The following SLC33A1 variants were observed in gnomAD, a reference collection of about 807,000 sequenced individuals.
SLC33A1 encodes the protein solute carrier family 33 member 1.
SLC33A1 carries 20 observed loss-of-function variants against 50.0 expected under a neutral mutation model. That is an observed-to-expected ratio of 0.40 (90% CI 0.28 to 0.58). SLC33A1 has a LOEUF of 0.58. Among genes scored for constraint, SLC33A1 ranks in the 20% least tolerant of loss-of-function variants. The pLI is 0.44. For synonymous variants in SLC33A1, 265 were observed against 251.8 expected (o/e 1.05, Z -0.50); for missense variants, 476 against 657.0 (o/e 0.72, Z 3.01).
chr3:155,850,985 T>C (rs1367843406), intron 1 of SLC33A1, among the ~76,000 whole-genome samples: 2 of 151,668 alleles, frequency 1.3e-5, no homozygotes, highest in African/African-American at 4.8e-5. Context: ...GGCTTACGCC[T>C]GTAATCCCAA....
intron 2 of SLC33A1, among the ~76,000 whole-genome samples, chr3:155,838,606 G>C (rs538480941): frequency 1.3e-5 from 2 of 150,990 alleles, no homozygotes; most frequent in Non-Finnish European, 3.0e-5. Context: ...GCTTGAACCC[G>C]GGAGGAGGAG....
At chr3:155,838,407 G>C (rs1052224070) in intron 2 of SLC33A1, among the ~76,000 whole-genome samples, 2 of 151,884 alleles carry the variant, frequency 1.3e-5, no homozygotes, top group South Asian at 2.1e-4. Context: ...TGGGTCAGGC[G>C]TGGTGGCTCA....
chr3:155,838,865 T>C (rs1036638224), intron 2 of SLC33A1, among the ~76,000 whole-genome samples: 16 of 151,374 alleles, frequency 1.1e-4, no homozygotes, highest in Admixed American at 9.2e-4. Context: ...AAATAAAAAA[T>C]AGGCCGGGTG....
At chr3:155,828,455 T>A (rs1219346279) in intron 5 of SLC33A1, 78 bp from the exon 6 acceptor site, 3 of 808,864 alleles carry the variant, frequency 3.7e-6, no homozygotes, top group Non-Finnish European at 6.3e-6. Context: ...TTCTACTTTA[T>A]AAAGAATAAA....
intron 2 of SLC33A1, among the ~76,000 whole-genome samples, chr3:155,840,368 G>A (rs1420235811): frequency 2.6e-5 from 4 of 151,882 alleles, no homozygotes; most frequent in African/African-American, 4.8e-5. Context: ...GATTAAAGGC[G>A]TGAGCCACCA....
chr3:155,833,722 T>C, intron 3 of SLC33A1, 135 bp downstream of exon 3: 1 of 942,364 alleles, frequency 1.1e-6, no homozygotes, highest in Non-Finnish European at 1.7e-6. Flanking sequence ...TAAAAGTGCA[T>C]ATAAATAATA....
intron 1 of SLC33A1, among the ~76,000 whole-genome samples, chr3:155,852,200 A>G (rs1419381113): frequency 6.6e-6 from 1 of 152,190 alleles, no homozygotes; most frequent in Admixed American, 6.6e-5. Context: ...CACACTTATA[A>G]TTCCCAGTAC....
At chr3:155,846,388 G>A (rs147318002) in intron 1 of SLC33A1, among the ~76,000 whole-genome samples, 2 of 151,154 alleles carry the variant, frequency 1.3e-5, no homozygotes, top group South Asian at 2.1e-4. Flanking sequence ...GGACACCACT[G>A]AGAAAAAAGG....
intron 2 of SLC33A1, among the ~76,000 whole-genome samples, chr3:155,837,913 T>C (rs1752756114): frequency 6.6e-6 from 1 of 152,202 alleles, no homozygotes; most frequent in Admixed American, 6.5e-5. Flanking sequence ...AGTACCTCCT[T>C]ATATATTGCT....
intron 2 of SLC33A1, among the ~76,000 whole-genome samples, chr3:155,841,230 T>C (rs548361844): frequency 6.6e-6 from 1 of 152,142 alleles, no homozygotes; most frequent in East Asian, 1.9e-4. Flanking sequence ...CATACCCAGA[T>C]AGTTTTTTTA....
chr3:155,838,348 T>C (rs1031948536), intron 2 of SLC33A1, among the ~76,000 whole-genome samples: 2 of 149,228 alleles, frequency 1.3e-5, no homozygotes, highest in African/African-American at 4.9e-5. Flanking sequence ...CCAGCCTGTA[T>C]AGCAAAATGA....
At chr3:155,841,758 ATTATT>A (rs1367856358) in intron 2 of SLC33A1, among the ~76,000 whole-genome samples, 4 of 151,598 alleles carry the variant, frequency 2.6e-5, no homozygotes, top group African/African-American at 9.7e-5. Flanking sequence ...TTATTTATTT[ATTATT>A]TTGAGACAGA....
At chr3:155,841,918 T>G (rs911211807) in intron 2 of SLC33A1, among the ~76,000 whole-genome samples, 5 of 152,016 alleles carry the variant, frequency 3.3e-5, no homozygotes, top group Non-Finnish European at 7.4e-5. Context: ...CGGCTGATTC[T>G]TGTATTTTTA....
Position 155,826,708 on chromosome 3 carries a change from A to G in SLC33A1, c.*1502T>C, listed in dbSNP as rs1287528796. 6.6e-6 allele frequency: 1 copy of G among 152,148 alleles called. No individual in the cohort carries two copies. The highest frequency in any genetic ancestry group is 1.5e-5 in the Non-Finnish European group (1 of 68,032). The allele number at this position is 152,148 out of a possible 1,614,324, so 9.4% of individuals were successfully genotyped here. A position where few individuals can be genotyped will look rare whatever the true frequency, so the allele number is the denominator to read the frequency against. On this transcript the variant is annotated 3_prime_UTR_variant, in exon 6 of 6. Coordinates refer to ENST00000643144, the MANE Select transcript of SLC33A1 (RefSeq NM_004733.4). Reference sequence around the variant, plus strand: ...TGCCCAACACAGGCTTTCCAATGGCAATGCATGAGTTCTAGAGGTCACTGC... The same window carrying G: ...TGCCCAACACAGGCTTTCCAATGGCGATGCATGAGTTCTAGAGGTCACTGC...
At chr3:155,832,509 G>T (rs1752479339) in intron 4 of SLC33A1, among the ~76,000 whole-genome samples, 1 of 151,634 alleles carries the variant, frequency 6.6e-6, no homozygotes, top group South Asian at 2.1e-4. Context: ...AAATCATAAA[G>T]AATAAGTCAA....
Position 155,829,779 on chromosome 3 carries a change from G to A in SLC33A1, c.1391C>T (p.Ser464Phe). 6.2e-7 allele frequency: 1 copy of A among 1,614,060 alleles called. No homozygotes were observed. Residue 464 changes from serine (S) to phenylalanine (F), a missense_variant, in exon 5 of 6, where the codon TCT becomes TTT. Physicochemically the swap from Ser to Phe is radical, Grantham distance 155. Coordinates refer to ENST00000643144, the MANE Select transcript of SLC33A1 (RefSeq NM_004733.4). ...ATCTACAAGCCAAAGAGCTACTGTAGAAGGCCAGTTTCCTCCCAGATTGGA... is the reference window on the plus strand; with the variant it reads ...ATCTACAAGCCAAAGAGCTACTGTAAAAGGCCAGTTTCCTCCCAGATTGGA... ...TVSNLGGNWP[S>F]TVALWLVDPL...
chr3:155,854,000 CAG>C lies in SLC33A1; in HGVS notation c.-5_-4del. On this transcript the variant is annotated 5_prime_UTR_variant, in exon 1 of 6. Transcript: ENST00000643144. ...TTGTGGGAGATGGTGGGTGACATAT[CAG>C]AGACGATGCAGAGCCCCGTCTGTGG... 6.5e-7 allele frequency: 1 copy of C among 1,541,854 alleles called. No individual in the cohort carries two copies. Among genetic ancestry groups the C allele is most frequent in the Non-Finnish European group, 8.7e-7 (1 of 1,150,036 alleles).
intron 1 of SLC33A1, among the ~76,000 whole-genome samples, chr3:155,848,586 G>A (rs1411695967): frequency 2.0e-5 from 3 of 152,162 alleles, no homozygotes; most frequent in African/African-American, 7.2e-5. Flanking sequence ...GGAGGCTGAG[G>A]CAGGAGAATG....
chr3:155,851,767 A>G (rs1181565711), intron 1 of SLC33A1, among the ~76,000 whole-genome samples: 1 of 152,156 alleles, frequency 6.6e-6, no homozygotes, highest in Non-Finnish European at 1.5e-5. Context: ...ACACTGAGAC[A>G]AATCTACCTG....
Sources: allele counts gnomAD v4.1 joint callset (sites outside exome capture counted in the v4.1 genomes callset), GRCh38; gene constraint gnomAD v4.1.1; transcripts MANE v1.5; gene names NCBI Gene and HGNC (gene_info 2026-07-23, HGNC 2026-07-21).